The following OTUD7B variants were observed in gnomAD, a reference collection of about 807,000 sequenced individuals.
OTUD7B encodes OTU deubiquitinase 7B.
Under a neutral mutation model 82.2 loss-of-function variants are expected in OTUD7B, and 34 were observed. That is an observed-to-expected ratio of 0.41 (90% confidence interval 0.31 to 0.55). OTUD7B has a LOEUF of 0.55. Among genes scored for constraint, OTUD7B ranks in the 20% least tolerant of loss-of-function variants. OTUD7B has a pLI of 0.20. For synonymous variants in OTUD7B, 398 were observed against 402.7 expected (o/e 0.99, Z 0.14); for missense variants, 944 against 1,062.1 (o/e 0.89, Z 1.55).
the OTUD7B span, among the ~76,000 whole-genome samples, chr1:150,022,594 G>T: frequency 6.6e-6 from 1 of 151,882 alleles, no homozygotes; most frequent in African/African-American, 2.4e-5. Context: ...CCTCACCTGG[G>T]AGCTCATTGG....
At chr1:149,993,416 G>A (rs1297866693) in intron 1 of OTUD7B, among the ~76,000 whole-genome samples, 3 of 152,144 alleles carry the variant, frequency 2.0e-5, no homozygotes, top group Non-Finnish European at 4.4e-5. Flanking sequence ...CTTTCTAAAA[G>A]TTCATCTAAT....
intron 1 of OTUD7B, among the ~76,000 whole-genome samples, chr1:149,998,734 G>A (rs1401319561): frequency 6.6e-6 from 1 of 152,136 alleles, no homozygotes; most frequent in African/African-American, 2.4e-5. Context: ...GACTTTGACT[G>A]TTTCTATAAT....
chr1:150,062,524 T>C, the OTUD7B span, among the ~76,000 whole-genome samples: 4 of 152,192 alleles, frequency 2.6e-5, no homozygotes, highest in African/African-American at 9.7e-5. Context: ...CTTTTCTACC[T>C]GTGTTAGCTA....
At chr1:150,045,332 G>A in the OTUD7B span, among the ~76,000 whole-genome samples, 4 of 151,964 alleles carry the variant, frequency 2.6e-5, no homozygotes, top group African/African-American at 9.7e-5. Flanking sequence ...GACCTCTAGT[G>A]ATCTGTCCAA....
At chr1:150,049,628 T>TCC in the OTUD7B span, among the ~76,000 whole-genome samples, 1 of 52,392 alleles carries the variant, frequency 1.9e-5, no homozygotes, top group South Asian at 7.0e-4. Flanking sequence ...TCTCTCTCTC[T>TCC]CTTTCTTTTT....
chr1:149,992,740 G>T (rs1325375501), intron 1 of OTUD7B, among the ~76,000 whole-genome samples: 1 of 152,024 alleles, frequency 6.6e-6, no homozygotes, highest in Non-Finnish European at 1.5e-5. Context: ...CCAAAGTGCT[G>T]GGATTGCTGG....
chr1:150,064,106 C>T, the OTUD7B span, among the ~76,000 whole-genome samples: 1 of 152,108 alleles, frequency 6.6e-6, no homozygotes, highest in Non-Finnish European at 1.5e-5. Context: ...GAAAAATAAG[C>T]TAAAACATGT....
upstream of OTUD7B, among the ~76,000 whole-genome samples, chr1:150,013,621 T>A (rs1244787464): frequency 3.3e-5 from 5 of 151,816 alleles, no homozygotes; most frequent in African/African-American, 1.2e-4. Flanking sequence ...CCATATTTTT[T>A]AAAAAAATAT....
chr1:150,024,297 G>A, the OTUD7B span, among the ~76,000 whole-genome samples: 2 of 152,118 alleles, frequency 1.3e-5, no homozygotes, highest in Non-Finnish European at 2.9e-5. Context: ...TAATGTCAAG[G>A]TAACAGTTTT....
chr1:149,944,497 T>A lies in OTUD7B; in HGVS notation c.1892A>T (p.Tyr631Phe), dbSNP rs782197745. The change falls in exon 12 of 12, where the codon TAC becomes TTC. Residue 631 changes from tyrosine (Y) to phenylalanine (F), a missense_variant. Physicochemically the swap from Tyr to Phe is conservative, Grantham distance 22 (BLOSUM62 3). Transcript: ENST00000581312. ...HQYQEEMIQR[Y>F]LSDAEERFLA... ...GAATCTCTCCTCAGCATCAGAAAGG[T>A]AGCGCTGGATCATTTCCTCCTGATA... 2 of 1,614,150 alleles carry A rather than the reference T, an allele frequency of 1.2e-6. No homozygotes were observed. Among genetic ancestry groups the A allele is most frequent in the South Asian group, 2.2e-5 (2 of 91,088 alleles).
chr1:150,009,342 T>C (rs587674756), intron 1 of OTUD7B, among the ~76,000 whole-genome samples: 3 of 152,254 alleles, frequency 2.0e-5, no homozygotes, highest in South Asian at 4.1e-4. Flanking sequence ...GCCACCTCTT[T>C]CTCTACTCTG....
rs1553769593 is a variant in OTUD7B, at chr1:149,938,096, A to G, written c.*5761T>C. The G allele has an allele frequency of 6.6e-6, 1 of 152,266 alleles. No individual in the cohort carries two copies. Among genetic ancestry groups the G allele is most frequent in the Non-Finnish European group, 1.5e-5 (1 of 68,112 alleles). The allele number at this position is 152,266 out of a possible 1,614,324, so 9.4% of individuals were successfully genotyped here. On this transcript the variant is annotated 3_prime_UTR_variant, in exon 12 of 12. Transcript: ENST00000581312. ...AAAGGCTACAGAGCACCACCACCCC[A>G]CCTGCCCCTAATGCATTCCATGGGC...
At chr1:150,038,002 C>T in the OTUD7B span, among the ~76,000 whole-genome samples, 1 of 151,872 alleles carries the variant, frequency 6.6e-6, no homozygotes, top group Non-Finnish European at 1.5e-5. Context: ...GTTGGGACTA[C>T]AGGCATGCCT....
intron 1 of OTUD7B, among the ~76,000 whole-genome samples, chr1:149,978,264 T>G (rs980439751): frequency 6.6e-6 from 1 of 152,212 alleles, no homozygotes; most frequent in Non-Finnish European, 1.5e-5. Flanking sequence ...CTCAGCACTT[T>G]GGGAGGCCGA....
At chr1:150,000,544 T>C (rs1652211367) in intron 1 of OTUD7B, among the ~76,000 whole-genome samples, 1 of 151,160 alleles carries the variant, frequency 6.6e-6, no homozygotes, top group African/African-American at 2.4e-5. Flanking sequence ...AGAAAACAGG[T>C]TTAAAATTTA....
intron 1 of OTUD7B, among the ~76,000 whole-genome samples, chr1:149,979,837 C>A (rs1000602507): frequency 6.6e-6 from 1 of 152,080 alleles, no homozygotes; most frequent in East Asian, 1.9e-4. Flanking sequence ...AGCCTTAGGT[C>A]AGAGGAAGTG....
the OTUD7B span, among the ~76,000 whole-genome samples, chr1:150,031,913 A>G: frequency 4.3e-3 from 662 of 152,352 alleles, 4 homozygotes; most frequent in African/African-American, 0.015. Flanking sequence ...CCAGATAGAT[A>G]AGACAGACCA....
chr1:150,046,283 T>A, the OTUD7B span, among the ~76,000 whole-genome samples: 2 of 152,052 alleles, frequency 1.3e-5, no homozygotes, highest in Admixed American at 1.3e-4. Flanking sequence ...TGAGTCCAGC[T>A]ACTCTCTCAA....
At chr1:149,946,000 C>A (rs1384820674) in intron 11 of OTUD7B, among the ~76,000 whole-genome samples, 2 of 151,182 alleles carry the variant, frequency 1.3e-5, no homozygotes, top group Non-Finnish European at 1.5e-5. Context: ...GCGGAGGTTG[C>A]AATAAGCTGA....
Sources: gnomAD v4.1 joint callset for allele counts (sites outside exome capture counted in the v4.1 genomes callset) on GRCh38, gnomAD v4.1.1 for gene constraint, MANE v1.5 for transcripts, NCBI Gene and HGNC (gene_info 2026-07-23, HGNC 2026-07-21) for gene names.